GABRB1: variants seen among roughly 807,000 people sequenced by gnomAD.
GABRB1 encodes gamma-aminobutyric acid type A receptor subunit beta1.
GABRB1 carries 17 observed loss-of-function variants against 51.6 expected under a neutral mutation model. The ratio of observed to expected loss-of-function variants is 0.33; its 90% CI spans 0.23 to 0.49. The LOEUF is 0.49. GABRB1 is among the 20% of genes least tolerant of loss of function. GABRB1 has a pLI of 0.99. For missense variants in GABRB1, 410 were observed against 600.6 expected (o/e 0.68, Z 3.32); for synonymous variants, 247 against 218.9 (o/e 1.13, Z -1.14).
intron 8 of GABRB1, among the ~76,000 whole-genome samples, chr4:47,419,416 C>T (rs1443126228): frequency 1.3e-5 from 2 of 152,052 alleles, no homozygotes; most frequent in African/African-American, 2.4e-5. Flanking sequence ...AAGAAAGACT[C>T]GGCAGGCAAG....
At chr4:47,066,841 A>C (rs1727109298) in intron 3 of GABRB1, among the ~76,000 whole-genome samples, 1 of 152,200 alleles carries the variant, frequency 6.6e-6, no homozygotes, top group African/African-American at 2.4e-5. Flanking sequence ...CATGAATCAC[A>C]AATGTTCTTA....
intron 5 of GABRB1, among the ~76,000 whole-genome samples, chr4:47,330,009 T>C (rs1436498228): frequency 6.6e-6 from 1 of 152,066 alleles, no homozygotes; most frequent in Non-Finnish European, 1.5e-5. Flanking sequence ...AGAACCAGAA[T>C]TGATAGCGTA....
intron 5 of GABRB1, among the ~76,000 whole-genome samples, chr4:47,368,840 G>A (rs926343051): frequency 3.3e-5 from 5 of 152,066 alleles, no homozygotes; most frequent in Non-Finnish European, 5.9e-5. Flanking sequence ...AGGCATGGTG[G>A]CTCATGCCTG....
chr4:47,379,456 GA>G (rs1727515062), intron 5 of GABRB1, among the ~76,000 whole-genome samples: 1 of 152,134 alleles, frequency 6.6e-6, no homozygotes, highest in South Asian at 2.1e-4. Context: ...GCCTAACTGT[GA>G]ACTAATGTAA....
chr4:47,376,632 G>A (rs1265893021), intron 5 of GABRB1, among the ~76,000 whole-genome samples: 1 of 152,182 alleles, frequency 6.6e-6, no homozygotes, highest in African/African-American at 2.4e-5. Flanking sequence ...GGGCGACTGA[G>A]CGAGACTCCG....
intron 7 of GABRB1, among the ~76,000 whole-genome samples, chr4:47,405,494 C>T (rs80311390): frequency 0.018 from 2,710 of 152,130 alleles, 95 homozygotes; most frequent in African/African-American, 0.063. Flanking sequence ...CATCTCATTG[C>T]TTATTTTAAA....
intron 1 of GABRB1, 74 bp from the exon 2 acceptor site, chr4:47,031,840 G>A (rs1725315822): frequency 2.0e-6 from 3 of 1,501,240 alleles, no homozygotes; most frequent in Non-Finnish European, 1.9e-6. Context: ...TTGGGGGTAG[G>A]TGTGCCTGTA....
At chr4:47,178,349 A>G (rs1451070670) in intron 4 of GABRB1, among the ~76,000 whole-genome samples, 1 of 152,062 alleles carries the variant, frequency 6.6e-6, no homozygotes, top group Non-Finnish European at 1.5e-5. Context: ...ATTAAATGGA[A>G]GGCTCTCTCA....
At chr4:47,367,189 A>T (rs1161790256) in intron 5 of GABRB1, among the ~76,000 whole-genome samples, 2 of 152,030 alleles carry the variant, frequency 1.3e-5, no homozygotes, top group African/African-American at 4.8e-5. Flanking sequence ...TATATCCACC[A>T]CTCACAGCTC....
At chr4:47,382,272 T>C (rs1005479635) in intron 5 of GABRB1, among the ~76,000 whole-genome samples, 2 of 152,150 alleles carry the variant, frequency 1.3e-5, no homozygotes, top group African/African-American at 4.8e-5. Flanking sequence ...TGTACTGTTC[T>C]TTGTGGGAAG....
At chr4:47,160,757 T>G (rs930839450) in intron 3 of GABRB1, among the ~76,000 whole-genome samples, 1 of 3,836 alleles carries the variant, frequency 2.6e-4, no homozygotes, top group Non-Finnish European at 4.9e-4. Flanking sequence ...ACTTTTATTA[T>G]TTATTTATTT....
At chr4:47,172,880 G>A (rs1718502522) in intron 4 of GABRB1, among the ~76,000 whole-genome samples, 1 of 151,868 alleles carries the variant, frequency 6.6e-6, no homozygotes, top group South Asian at 2.1e-4. Flanking sequence ...GACCTCAGAT[G>A]ATCCACCTGC....
chr4:47,188,310 A>T (rs1719273360), intron 4 of GABRB1, among the ~76,000 whole-genome samples: 1 of 152,062 alleles, frequency 6.6e-6, no homozygotes, highest in African/African-American at 2.4e-5. Context: ...CAAGCTACTC[A>T]GTGAAGTTAG....
chr4:47,021,574 T>G (rs1460697327), intron 1 of GABRB1, among the ~76,000 whole-genome samples: 1 of 152,188 alleles, frequency 6.6e-6, no homozygotes, highest in African/African-American at 2.4e-5. Flanking sequence ...GGTCTTCTCT[T>G]GAATATTCCA....
chr4:47,419,340 C>A (rs1560378090), intron 8 of GABRB1, among the ~76,000 whole-genome samples: 1 of 152,136 alleles, frequency 6.6e-6, no homozygotes, highest in Non-Finnish European at 1.5e-5. Context: ...ATGTGAGCCC[C>A]TCTAAGACTT....
chr4:47,089,982 T>C (rs1283828401), intron 3 of GABRB1, among the ~76,000 whole-genome samples: 1 of 152,240 alleles, frequency 6.6e-6, no homozygotes, highest in Non-Finnish European at 1.5e-5. Context: ...CCTTTTATAA[T>C]ACTAGAAAGT....
intron 3 of GABRB1, among the ~76,000 whole-genome samples, chr4:47,094,030 C>T (rs1047031899): frequency 1.3e-5 from 2 of 151,636 alleles, no homozygotes; most frequent in African/African-American, 2.4e-5. Flanking sequence ...CAGTGGCTCT[C>T]GGTGTGGGCA....
intron 3 of GABRB1, among the ~76,000 whole-genome samples, chr4:47,045,442 TATCATCATCATC>T (rs36118087): frequency 0.23 from 34,351 of 149,298 alleles, 4,887 homozygotes; most frequent in Middle Eastern, 0.37. Context: ...TATTCTCCTT[TATCATCATCATC>T]ATCATCATCA....
intron 3 of GABRB1, among the ~76,000 whole-genome samples, chr4:47,158,261 T>A (rs1175820982): frequency 6.6e-6 from 1 of 152,086 alleles, no homozygotes; most frequent in Admixed American, 6.6e-5. Context: ...CATTCAGTGT[T>A]ATTTTGCCAT....
Sources: gnomAD v4.1 joint callset for allele counts (sites outside exome capture counted in the v4.1 genomes callset) on GRCh38, gnomAD v4.1.1 for gene constraint, MANE v1.5 for transcripts, NCBI Gene and HGNC (gene_info 2026-07-23, HGNC 2026-07-21) for gene names.